The following CLIP2 variants were observed in gnomAD, a reference collection of about 807,000 sequenced individuals.
CLIP2 encodes the protein CAP-Gly domain-containing linker protein 2.
In CLIP2, 41 loss-of-function variants were observed where a neutral mutation model predicts 111.7. That is an observed-to-expected ratio of 0.37 (90% CI 0.29 to 0.48). CLIP2 has a LOEUF of 0.48. CLIP2 is among the 20% of genes least tolerant of loss of function. The pLI is 0.99. For synonymous variants in CLIP2, 660 were observed against 644.2 expected (o/e 1.02, Z -0.37); for missense variants, 1,160 against 1,422.1 (o/e 0.82, Z 2.96).
At chr7:74,365,053 C>T (rs1243627000) in intron 8 of CLIP2, among the ~76,000 whole-genome samples, 2 of 92,342 alleles carry the variant, frequency 2.2e-5, no homozygotes, top group African/African-American at 7.9e-5. Context: ...GTGTGTGTGA[C>T]TGTCTCAAAA....
intron 2 of CLIP2, among the ~76,000 whole-genome samples, chr7:74,331,350 A>G (rs578046817): frequency 4.6e-5 from 7 of 151,622 alleles, no homozygotes; most frequent in Non-Finnish European, 7.4e-5. Flanking sequence ...GCGATTTGCA[A>G]CCTGAGTGCA....
At chr7:74,386,059 T>C (rs1584383218) in intron 11 of CLIP2, among the ~76,000 whole-genome samples, 2 of 147,816 alleles carry the variant, frequency 1.4e-5, no homozygotes, top group East Asian at 4.0e-4. Flanking sequence ...TTTTTTTTTT[T>C]CTTTTTGAGA....
In CLIP2 at chr7:74,382,559, G is replaced by A. The variant is rs376957675; in HGVS notation, c.2479+1696G>A. Reference sequence around the variant, plus strand: ...AAACTCCTGACCTCATGATCCTCCCGCCTTGGTCTCCCAAAGTGCTGGGAT... The same window carrying A: ...AAACTCCTGACCTCATGATCCTCCCACCTTGGTCTCCCAAAGTGCTGGGAT... On this transcript the variant is annotated intron_variant, in intron 11 of 16. Transcript: ENST00000223398. Among the ~76,000 whole-genome samples, 161 of 144,984 alleles carry A rather than the reference G, an allele frequency of 1.1e-3. No homozygotes were observed. The East Asian group carries it at 0.016, about 15-fold the overall frequency.
intron 2 of CLIP2, among the ~76,000 whole-genome samples, chr7:74,335,959 G>A (rs1301515637): frequency 6.7e-6 from 1 of 149,328 alleles, no homozygotes; most frequent in Non-Finnish European, 1.5e-5. Context: ...AGCCAGGTTG[G>A]TCTCAATCTC....
intron 1 of CLIP2, among the ~76,000 whole-genome samples, chr7:74,309,088 C>T (rs1788570849): frequency 6.6e-6 from 1 of 152,022 alleles, no homozygotes; most frequent in Admixed American, 6.5e-5. Flanking sequence ...AGGCTGGTCT[C>T]AAACTCCTGA....
chr7:74,337,124 G>A (rs1225670285), intron 2 of CLIP2, among the ~76,000 whole-genome samples: 1 of 151,850 alleles, frequency 6.6e-6, no homozygotes, highest in Non-Finnish European at 1.5e-5. Flanking sequence ...CTGACTTCAG[G>A]TGATCCGCCC....
chr7:74,340,300 G>A (rs1463785207), intron 3 of CLIP2, among the ~76,000 whole-genome samples: 4 of 151,940 alleles, frequency 2.6e-5, no homozygotes, highest in Non-Finnish European at 4.4e-5. Flanking sequence ...GGAAGCTGAG[G>A]CAGGAGAATC....
chr7:74,395,464 GTATTTTGAGTAGAGATAGGGTTTTGC>G (rs1242030839), intron 13 of CLIP2, among the ~76,000 whole-genome samples: 1 of 151,676 alleles, frequency 6.6e-6, no homozygotes, highest in Non-Finnish European at 1.5e-5. Flanking sequence ...GCTAATTTTT[GTATTTTGAGTAGAGATAGGGTTTTGC>G]TATGTTGGCC....
At chr7:74,358,839 G>A (rs1018696416) in intron 6 of CLIP2, among the ~76,000 whole-genome samples, 4 of 152,048 alleles carry the variant, frequency 2.6e-5, no homozygotes, top group East Asian at 1.9e-4. Flanking sequence ...TCAAAGCACC[G>A]CGATTATAGG....
intron 2 of CLIP2, among the ~76,000 whole-genome samples, chr7:74,332,835 G>A (rs1282316237): frequency 5.3e-5 from 8 of 152,240 alleles, no homozygotes; most frequent in South Asian, 4.1e-4. Flanking sequence ...CCCCCTTGCC[G>A]GGCCCCGTTT....
chr7:74,380,934 G>A, intron 11 of CLIP2, 71 bp downstream of exon 11: 2 of 1,488,828 alleles, frequency 1.3e-6, no homozygotes, highest in African/African-American at 2.8e-5. Flanking sequence ...CTTCCTGCTG[G>A]GTCACATTTT....
intron 11 of CLIP2, among the ~76,000 whole-genome samples, chr7:74,383,134 G>A (rs899629422): frequency 6.6e-6 from 1 of 150,438 alleles, no homozygotes; most frequent in East Asian, 1.9e-4. Context: ...AATGTATCCA[G>A]TGGTTTCTTC....
chr7:74,338,495 G>A lies in CLIP2; in HGVS notation c.169G>A (p.Ala57Thr), dbSNP rs782207729. The A allele has an allele frequency of 1.2e-6, 2 of 1,611,726 alleles. No homozygotes were observed. The highest frequency in any genetic ancestry group is 1.1e-5 in the South Asian group (1 of 90,884). ...ATCTGGACCCTCCTCCTCCCCGGCCGCAGCTGCTGCCCCCGAGAAGCCGGG... is the reference window on the plus strand; with the variant it reads ...ATCTGGACCCTCCTCCTCCCCGGCCACAGCTGCTGCCCCCGAGAAGCCGGG... ...QSSGPSSSPA[A>T]AAAPEKPGPK... is the part of the protein sequence containing the mutation. Residue 57 changes from alanine (A) to threonine (T), a missense_variant, in exon 3 of 17, where the codon GCA becomes ACA. This residue lies in a region of CLIP2 where 301 missense variants were observed against 315.2 expected (regional missense o/e 0.96). Coordinates refer to ENST00000223398, the MANE Select transcript of CLIP2 (RefSeq NM_003388.5). This position sits in a 1 kb window ranked among gnomAD's most constrained non-coding sequence, Gnocchi z 4.3.
intron 1 of CLIP2, among the ~76,000 whole-genome samples, chr7:74,297,636 G>A (rs565222257): frequency 1.3e-5 from 2 of 152,000 alleles, no homozygotes; most frequent in African/African-American, 4.8e-5. Flanking sequence ...CATGCCTTGC[G>A]TGCTTAGGGG....
At position 74,396,460 on chromosome 7, in the gene CLIP2, A is replaced by ATG. The variant is rs141831013; in HGVS notation, c.2721-594_2721-593dup. Among the ~76,000 whole-genome samples the ATG allele has an allele frequency of 1.5e-3, 221 of 151,138 alleles. 1 individual carries two copies. Among genetic ancestry groups the ATG allele is most frequent in the East Asian group, 2.9e-3 (15 of 5,132 alleles). On this transcript the variant is annotated intron_variant, in intron 13 of 16. Transcript: ENST00000223398. ...TTTCTTGGGTAAATGTTTTGGGGTT[A>ATG]TGTGTGTGTGTGTGTGTGTGTTTTA...
chr7:74,398,437 G>A (rs948086308), intron 14 of CLIP2, among the ~76,000 whole-genome samples: 1 of 152,292 alleles, frequency 6.6e-6, no homozygotes. Flanking sequence ...CCTGAGCCTG[G>A]TGAACGTCAC....
chr7:74,372,841 TTTCTCTC>T (rs1790667801), intron 8 of CLIP2, 84 bp from the exon 9 acceptor site: 2 of 682,846 alleles, frequency 2.9e-6, no homozygotes, highest in Non-Finnish European at 4.9e-6. Flanking sequence ...TCTCTCTCTC[TTTCTCTC>T]TCTCTCCGGC....
chr7:74,404,060 G>C lies in CLIP2; in HGVS notation c.*212G>C, dbSNP rs115269458. ...AAGCCCAGCCTTCTACAGAGAGTGT[G>C]AACGGTACAGCCCCGGCCTGACCCG... On this transcript the variant is annotated 3_prime_UTR_variant, in exon 17 of 17. Transcript: ENST00000223398. The C allele has an allele frequency of 1.3e-4, 81 of 618,048 alleles. No homozygotes were observed. The African/African-American group carries it at 1.3e-3, about 10-fold the overall frequency. The allele number at this position is 618,048 out of a possible 1,614,324, so 38.3% of individuals were successfully genotyped here.
At chr7:74,318,188 A>G (rs75407368) in intron 2 of CLIP2, among the ~76,000 whole-genome samples, 1 of 152,076 alleles carries the variant, frequency 6.6e-6, no homozygotes, top group East Asian at 1.9e-4. Flanking sequence ...TAGAGGGAAC[A>G]GCACATGCAA....
Sources: gnomAD v4.1 joint callset for allele counts (sites outside exome capture counted in the v4.1 genomes callset) on GRCh38, gnomAD v4.1.1 for gene constraint, gnomAD v4.1.1 regional missense constraint, Gnocchi (gnomAD v3.1) non-coding constraint, MANE v1.5 for transcripts, NCBI Gene and HGNC (gene_info 2026-07-23, HGNC 2026-07-21) for gene names.